The following CACNA2D3 variants were observed in gnomAD, a reference collection of about 807,000 sequenced individuals.
The protein encoded by CACNA2D3 is calcium voltage-gated channel auxiliary subunit alpha2delta 3.
CACNA2D3 carries 60 observed loss-of-function variants against 160.6 expected under a neutral mutation model. The ratio of observed to expected loss-of-function variants is 0.37; its 90% CI spans 0.30 to 0.46. The LOEUF (loss-of-function observed/expected upper bound fraction) is 0.46. Among genes scored for constraint, CACNA2D3 ranks in the 20% least tolerant of loss-of-function variants. CACNA2D3 has a pLI of 1.00. For missense variants in CACNA2D3, 1,205 were observed against 1,365.0 expected, an observed-to-expected ratio of 0.88 and a Z score of 1.85; for synonymous variants, 558 against 492.9, an observed-to-expected ratio of 1.13 and a Z score of -1.75.
intron 2 of CACNA2D3, among the ~76,000 whole-genome samples, chr3:54,154,683 G>A (rs901747633): frequency 6.6e-6 from 1 of 152,156 alleles, no homozygotes; most frequent in African/African-American, 2.4e-5. Context: ...GTCTGCCTTT[G>A]TAGAGTCTGG....
intron 2 of CACNA2D3, among the ~76,000 whole-genome samples, chr3:54,150,448 G>A (rs1327438369): frequency 1.3e-5 from 2 of 152,162 alleles, no homozygotes; most frequent in Non-Finnish European, 2.9e-5. Flanking sequence ...CTGGAGAAGG[G>A]CAGGGACTCC....
chr3:54,724,721 A>G (rs1196994469), intron 11 of CACNA2D3, among the ~76,000 whole-genome samples: 1 of 152,234 alleles, frequency 6.6e-6, no homozygotes, highest in Non-Finnish European at 1.5e-5. Context: ...TTTGAAACCA[A>G]TGAGAATGAA....
rs138273707 is a variant in CACNA2D3, at chr3:54,832,389, C to T, written c.1399-4770C>T. The stretch of plus-strand genomic sequence containing the variant: ...ACTGCTAAGAAACCTTGTGGTTGGA[C>T]GGGGTGAAGAGGACTTTCCTAAAGG... On this transcript the variant is annotated intron_variant, in intron 14 of 37. Transcript: ENST00000474759. Among the ~76,000 whole-genome samples, 863 of 152,096 alleles carry T rather than the reference C, an allele frequency of 5.7e-3. 3 individuals carry two copies. The highest frequency in any genetic ancestry group is 0.017 in the Admixed American group (259 of 15,276).
chr3:54,821,723 C>CTCTT (rs1559595029), intron 14 of CACNA2D3, among the ~76,000 whole-genome samples: 6 of 110,440 alleles, frequency 5.4e-5, no homozygotes, highest in Admixed American at 3.9e-4. Flanking sequence ...TTTCCTCTCT[C>CTCTT]TCTCTCTCTC....
At chr3:54,135,284 A>G (rs1699794391) in intron 2 of CACNA2D3, among the ~76,000 whole-genome samples, 1 of 152,212 alleles carries the variant, frequency 6.6e-6, no homozygotes, top group Admixed American at 6.5e-5. Flanking sequence ...ACATACCTGC[A>G]GCATCCACAG....
At chr3:54,592,132 T>G (rs958058686) in intron 9 of CACNA2D3, among the ~76,000 whole-genome samples, 1 of 152,198 alleles carries the variant, frequency 6.6e-6, no homozygotes, top group Non-Finnish European at 1.5e-5. Flanking sequence ...AATACTCGGG[T>G]GACCCCCTGA....
chr3:54,937,825 G>T (rs1018633180), intron 27 of CACNA2D3, among the ~76,000 whole-genome samples: 3 of 152,130 alleles, frequency 2.0e-5, no homozygotes, highest in African/African-American at 7.2e-5. Flanking sequence ...AGGCGGGCAT[G>T]ATCACAGCAC....
At chr3:54,279,505 C>T (rs1702821778) in intron 2 of CACNA2D3, among the ~76,000 whole-genome samples, 1 of 152,206 alleles carries the variant, frequency 6.6e-6, no homozygotes, top group African/African-American at 2.4e-5. Flanking sequence ...ACCTTGGCTA[C>T]ACTGAGACTG....
At chr3:54,834,172 G>A (rs930950974) in intron 14 of CACNA2D3, among the ~76,000 whole-genome samples, 1 of 152,176 alleles carries the variant, frequency 6.6e-6, no homozygotes, top group South Asian at 2.1e-4. Flanking sequence ...ACAATTACTA[G>A]TAATTTATAA....
intron 4 of CACNA2D3, among the ~76,000 whole-genome samples, chr3:54,402,079 T>C (rs1467744311): frequency 1.3e-5 from 2 of 152,224 alleles, no homozygotes; most frequent in African/African-American, 4.8e-5. Flanking sequence ...TATAACTGTA[T>C]GATGTTTTGC....
At chr3:54,686,352 A>T (rs972826028) in intron 11 of CACNA2D3, among the ~76,000 whole-genome samples, 4 of 152,222 alleles carry the variant, frequency 2.6e-5, no homozygotes, top group Non-Finnish European at 2.9e-5. Flanking sequence ...TAGTACTCTG[A>T]CTAGCACTTG....
chr3:54,146,716 G>A (rs1311996205), intron 2 of CACNA2D3, among the ~76,000 whole-genome samples: 2 of 152,250 alleles, frequency 1.3e-5, no homozygotes, highest in African/African-American at 2.4e-5. Context: ...TGCACAGAAC[G>A]TCTTAGGGGG....
intron 15 of CACNA2D3, among the ~76,000 whole-genome samples, chr3:54,837,672 G>A (rs62254520): frequency 0.02 from 3,042 of 152,224 alleles, 49 homozygotes; most frequent in Middle Eastern, 0.034. Flanking sequence ...CCCTCTGAAG[G>A]TTCTAGGGAA....
chr3:54,292,424 A>G (rs979973728), intron 2 of CACNA2D3, among the ~76,000 whole-genome samples: 1 of 152,218 alleles, frequency 6.6e-6, no homozygotes, highest in Non-Finnish European at 1.5e-5. Context: ...TTTAGAAATT[A>G]TATCTGATAA....
rs540295721 is a variant in CACNA2D3 at position 54,470,741 on chromosome 3, T to C, written c.382-32751T>C. ...ATATTTACCAAGCAAATGGAAAGCA[T>C]GAAAAAAGCAGAGGTTGCAATCCTA... is the stretch of plus-strand genomic sequence containing the variant. On this transcript the variant is annotated intron_variant, in intron 4 of 37. Transcript: ENST00000474759. Among the ~76,000 whole-genome samples the C allele has an allele frequency of 2.0e-5, 3 of 151,960 alleles. No individual in the cohort carries two copies. The South Asian group carries it at 6.2e-4, about 32-fold the overall frequency.
intron 34 of CACNA2D3, among the ~76,000 whole-genome samples, chr3:55,015,901 C>T (rs981645963): frequency 6.6e-6 from 1 of 152,194 alleles, no homozygotes; most frequent in African/African-American, 2.4e-5. Flanking sequence ...CACCACGTGC[C>T]TCTTCTGTGT....
chr3:54,927,544 A>G (rs185587791), intron 27 of CACNA2D3, among the ~76,000 whole-genome samples: 13 of 152,298 alleles, frequency 8.5e-5, no homozygotes, highest in South Asian at 8.3e-4. Context: ...CCACTGATCT[A>G]TTAATGAAAG....
At chr3:54,552,965 A>T (rs747317083) in intron 5 of CACNA2D3, among the ~76,000 whole-genome samples, 2 of 152,218 alleles carry the variant, frequency 1.3e-5, no homozygotes, top group Non-Finnish European at 1.5e-5. Flanking sequence ...GAAGTGTAGC[A>T]TACCAAGGCA....
At chr3:54,279,616 CT>C (rs1293091004) in intron 2 of CACNA2D3, among the ~76,000 whole-genome samples, 1 of 152,182 alleles carries the variant, frequency 6.6e-6, no homozygotes, top group Non-Finnish European at 1.5e-5. Context: ...CTCTGTCCCC[CT>C]GTCTGTTACT....
Sources: allele counts gnomAD v4.1 joint callset (sites outside exome capture counted in the v4.1 genomes callset), GRCh38; gene constraint gnomAD v4.1.1; transcripts MANE v1.5; gene names NCBI Gene and HGNC (gene_info 2026-07-23, HGNC 2026-07-21).